The following MACROD1 variants were observed in gnomAD, a reference collection of about 807,000 sequenced individuals.
MACROD1 encodes the protein ADP-ribose glycohydrolase MACROD1.
MACROD1 carries 31 observed loss-of-function variants against 41.4 expected under a neutral mutation model. The ratio of observed to expected loss-of-function variants is 0.75; its 90% CI spans 0.56 to 1.01. The LOEUF (loss-of-function observed/expected upper bound fraction) is 1.01, where lower values mean the gene tolerates loss of function less well. Ranked by LOEUF, MACROD1 falls within the 50% of genes least tolerant of loss-of-function variation. The probability of loss-of-function intolerance (pLI) is 0.00; values close to 1 mark genes in which losing one functional copy is unlikely to be tolerated. For synonymous variants in MACROD1, 252 were observed against 203.4 expected, an observed-to-expected ratio of 1.24 and a Z score of -2.03; for missense variants, 473 against 460.0, an observed-to-expected ratio of 1.03 and a Z score of -0.26.
chr11:64,165,861 G>T lies in MACROD1; in HGVS notation c.134C>A (p.Pro45Gln). 6.9e-7 allele frequency: 1 copy of T among 1,454,484 alleles called. No individual in the cohort carries two copies. The highest frequency in any genetic ancestry group is 9.1e-7 in the Non-Finnish European group (1 of 1,104,794). The allele number at this position is 1,454,484 out of a possible 1,614,324, so 90.1% of individuals were successfully genotyped here. Reference sequence around the variant, plus strand: ...GCGGCCGAACACGCCCAGGAACGCCGGGGGACCGCACGTGCTGCTGCGGGT... The same window carrying T: ...GCGGCCGAACACGCCCAGGAACGCCTGGGGACCGCACGTGCTGCTGCGGGT... ...TRTRSSTCGP[P>Q]AFLGVFGRRA... Residue 45 changes from proline (P) to glutamine (Q), a missense_variant, in exon 1 of 11, where the codon CCG becomes CAG. By Grantham distance (76) the Pro-to-Gln change is moderately conservative. Coordinates refer to ENST00000255681, the MANE Select transcript of MACROD1 (RefSeq NM_014067.4).
chr11:64,077,803 GC>G (rs1366867852), intron 3 of MACROD1, among the ~76,000 whole-genome samples: 1 of 152,214 alleles, frequency 6.6e-6, no homozygotes, highest in African/African-American at 2.4e-5. Context: ...GCCTCCGGCC[GC>G]CGCTCGGACA....
intron 3 of MACROD1, among the ~76,000 whole-genome samples, chr11:64,045,365 C>T (rs1943564601): frequency 6.7e-6 from 1 of 148,612 alleles, no homozygotes; most frequent in Admixed American, 6.6e-5. Flanking sequence ...GAGTTATGCT[C>T]TGCTCCGCCG....
intron 3 of MACROD1, among the ~76,000 whole-genome samples, chr11:64,028,497 G>A (rs866576192): frequency 1.3e-5 from 2 of 152,248 alleles, no homozygotes; most frequent in African/African-American, 2.4e-5. Flanking sequence ...GAAGGAGCAG[G>A]AGGCAGGAGG....
intron 3 of MACROD1, among the ~76,000 whole-genome samples, chr11:64,091,241 C>T (rs561478555): frequency 3.3e-5 from 5 of 152,120 alleles, no homozygotes; most frequent in Admixed American, 2.6e-4. Flanking sequence ...CTGCAGCCCA[C>T]GGAGTGTGGG....
intron 3 of MACROD1, among the ~76,000 whole-genome samples, chr11:64,132,627 C>CA (rs1188132466): frequency 6.6e-6 from 1 of 152,182 alleles, no homozygotes; most frequent in Non-Finnish European, 1.5e-5. Context: ...ATTGAGCCCG[C>CA]GGTCCTCAGG....
intron 3 of MACROD1, among the ~76,000 whole-genome samples, chr11:64,092,144 C>G (rs997401247): frequency 6.6e-6 from 1 of 152,220 alleles, no homozygotes. Flanking sequence ...TTAGGGTCGC[C>G]GTGGCATCCC....
At chr11:64,002,945 C>T (rs924816191) in intron 4 of MACROD1, among the ~76,000 whole-genome samples, 1 of 152,190 alleles carries the variant, frequency 6.6e-6, no homozygotes, top group African/African-American at 2.4e-5. Context: ...CAGGAGCTGA[C>T]CAACCCTTAG....
At position 64,118,011 on chromosome 11, in the gene MACROD1, G is replaced by A. The variant is rs764755729; in HGVS notation, c.517+33228C>T. 3.7e-6 allele frequency: 6 copies of A among 1,613,510 alleles called. No homozygotes were observed. The highest frequency in any genetic ancestry group is 2.7e-5 in the African/African-American group (2 of 74,926). On this transcript the variant is annotated intron_variant, in intron 3 of 10. Coordinates refer to ENST00000255681, the MANE Select transcript of MACROD1 (RefSeq NM_014067.4). Reference sequence around the variant, plus strand: ...CTGCTGGTACGTGCACCAGGCTGGCGAGCTGCTGACCCGGGAGAGGGCCTA... The same window carrying A: ...CTGCTGGTACGTGCACCAGGCTGGCAAGCTGCTGACCCGGGAGAGGGCCTA...
In MACROD1 at chr11:64,165,802, C is replaced by T. The variant is rs1489347868; in HGVS notation, c.193G>A (p.Gly65Arg). 14 of 1,488,852 alleles carry T rather than the reference C, an allele frequency of 9.4e-6. No homozygotes were observed. Among genetic ancestry groups the T allele is most frequent in the African/African-American group, 4.4e-5 (3 of 68,512 alleles). The allele number at this position is 1,488,852 out of a possible 1,614,324, so 92.2% of individuals were successfully genotyped here. ...GCTGTCCGCCCCACCGCCGCCGCCCCCCACGCCCCAACTCCCGCCGAGGTC... is the reference window on the plus strand; with the variant it reads ...GCTGTCCGCCCCACCGCCGCCGCCCTCCACGCCCCAACTCCCGCCGAGGTC... Reference protein sequence around the residue: ...ARTSAGVGAWGAAAVGRTAGV... With the variant: ...ARTSAGVGAWRAAAVGRTAGV... The change falls in exon 1 of 11, where the codon GGG becomes AGG. Residue 65 changes from glycine to arginine, a missense_variant. Transcript: ENST00000255681.
intron 3 of MACROD1, among the ~76,000 whole-genome samples, chr11:64,128,759 CCTGCA>C (rs1945223568): frequency 1.3e-5 from 2 of 152,156 alleles, no homozygotes; most frequent in Non-Finnish European, 1.5e-5. Context: ...GCCTTTCTCA[CCTGCA>C]CAGGTGACCC....
At chr11:64,034,216 G>A (rs576574872) in intron 3 of MACROD1, among the ~76,000 whole-genome samples, 12 of 152,336 alleles carry the variant, frequency 7.9e-5, no homozygotes, top group African/African-American at 2.9e-4. Context: ...AGGGCCACAC[G>A]TCCATCTGGG....
At chr11:64,006,419 C>T (rs889178431) in intron 4 of MACROD1, among the ~76,000 whole-genome samples, 16 of 152,244 alleles carry the variant, frequency 1.1e-4, no homozygotes, top group African/African-American at 3.6e-4. Flanking sequence ...CACCAGGCCC[C>T]ACCCTCTCGG....
chr11:64,119,186 A>G (rs1389635909), intron 3 of MACROD1: 1 of 167,090 alleles, frequency 6.0e-6, no homozygotes, highest in East Asian at 1.9e-4. Context: ...TTTCTCCTAG[A>G]AATCCTTGAG....
At position 64,036,813 on chromosome 11, in the gene MACROD1, C is replaced by A. The variant is rs1251915171; in HGVS notation, c.518-21532G>T. The stretch of plus-strand genomic sequence containing the variant: ...TGCCTGGGCGGGGGGCGGCGGGCAC[C>A]CCCCATCCCCCAGCTCTCAAGACAA... On this transcript the variant is annotated intron_variant, in intron 3 of 10. Coordinates refer to ENST00000255681, the MANE Select transcript of MACROD1 (RefSeq NM_014067.4). The surrounding 1 kb of genome is among the most constrained non-coding windows in gnomAD (Gnocchi z 5.6). 6.6e-6 allele frequency among the ~76,000 whole-genome samples: 1 copy of A among 152,140 alleles called. No individual in the cohort carries two copies. The highest frequency in any genetic ancestry group is 2.4e-5 in the African/African-American group (1 of 41,424).
chr11:64,156,001 G>A (rs905066235), intron 1 of MACROD1, among the ~76,000 whole-genome samples: 1 of 151,854 alleles, frequency 6.6e-6, no homozygotes, highest in Non-Finnish European at 1.5e-5. Flanking sequence ...CCAGCTACTC[G>A]GGAGGCTGAG....
At chr11:64,070,479 A>AAGCTTTCGGAC (rs1330383019) in intron 3 of MACROD1, among the ~76,000 whole-genome samples, 1 of 152,192 alleles carries the variant, frequency 6.6e-6, no homozygotes, top group Non-Finnish European at 1.5e-5. Flanking sequence ...AGCTGGTGGG[A>AAGCTTTCGGAC]AGCTTTCGGA....
chr11:64,050,979 C>G (rs562333246), intron 3 of MACROD1, among the ~76,000 whole-genome samples: 2 of 152,370 alleles, frequency 1.3e-5, no homozygotes, highest in Admixed American at 1.3e-4. Flanking sequence ...GGCCTGTCCC[C>G]TGAGCCCCAC....
intron 1 of MACROD1, among the ~76,000 whole-genome samples, chr11:64,161,299 C>T (rs1324446966): frequency 5.3e-5 from 8 of 152,020 alleles, no homozygotes; most frequent in East Asian, 1.9e-4. Flanking sequence ...ACGAACTGGC[C>T]GGATATTGAG....
intron 3 of MACROD1, among the ~76,000 whole-genome samples, chr11:64,021,338 C>T (rs983151853): frequency 2.0e-5 from 3 of 152,282 alleles, no homozygotes; most frequent in African/African-American, 4.8e-5. Context: ...GCCAGAGCCA[C>T]GAAGGTGCTC....
Sources: gnomAD v4.1 joint callset for allele counts (sites outside exome capture counted in the v4.1 genomes callset) on GRCh38, gnomAD v4.1.1 for gene constraint, Gnocchi (gnomAD v3.1) non-coding constraint, MANE v1.5 for transcripts, NCBI Gene and HGNC (gene_info 2026-07-23, HGNC 2026-07-21) for gene names.